The following COL6A3 variants were observed in gnomAD, a reference collection of about 807,000 sequenced individuals.
COL6A3 encodes the protein collagen type VI alpha 3 chain.
In COL6A3, 137 loss-of-function variants were observed where a neutral mutation model predicts 274.1. That is an observed-to-expected ratio of 0.50 (90% CI 0.44 to 0.58). The LOEUF is 0.58. Among genes scored for constraint, COL6A3 ranks in the 20% least tolerant of loss-of-function variants. The pLI is 0.00. For synonymous variants in COL6A3, 1,650 were observed against 1,650.6 expected (o/e 1.00, Z 0.01); for missense variants, 3,950 against 4,124.9 (o/e 0.96, Z 1.16).
rs551656332 is a variant in COL6A3, at chr2:237,347,468, G to A, written c.7029+339C>T. Reference sequence around the variant, plus strand: ...CCTCATTCACTCCCATTGCCTGGCCGTCTGGGTGGGCATGGCCCAAAGTGA... The same window carrying A: ...CCTCATTCACTCCCATTGCCTGGCCATCTGGGTGGGCATGGCCCAAAGTGA... On this transcript the variant is annotated intron_variant, in intron 31 of 43. Coordinates refer to ENST00000295550, the MANE Select transcript of COL6A3 (RefSeq NM_004369.4). 1.8e-4 allele frequency among the ~76,000 whole-genome samples: 27 copies of A among 152,328 alleles called. No individual in the cohort carries two copies. The South Asian group carries it at 3.7e-3, about 21-fold the overall frequency.
intron 38 of COL6A3, among the ~76,000 whole-genome samples, chr2:237,340,073 C>T (rs1330443104): frequency 1.3e-5 from 2 of 152,192 alleles, no homozygotes; most frequent in Non-Finnish European, 2.9e-5. Context: ...AAGCTTTCCC[C>T]GGTGCCCCTA....
chr2:237,343,450 G>A (rs1312122429), intron 36 of COL6A3: 1 of 143,274 alleles, frequency 7.0e-6, no homozygotes, highest in Non-Finnish European at 1.5e-5. Flanking sequence ...GGAAGGTGGA[G>A]GTTGCAGTGA....
rs772328208 is a variant in COL6A3, at chr2:237,394,649, C to CAGGA, written c.643_646dup (p.Cys216PhefsTer19). ...TTCTGGACTCACGGATGAATGCACA[C>CAGGA]AGGACACTAAGTTTCCTACTATGTC... On this transcript the variant is annotated frameshift_variant, in exon 3 of 44. Transcript: ENST00000295550. LOFTEE classifies it high-confidence loss of function. 1 of 1,614,208 alleles carries CAGGA rather than the reference C, an allele frequency of 6.2e-7. No individual in the cohort carries two copies. Among genetic ancestry groups the CAGGA allele is most frequent in the Non-Finnish European group, 8.5e-7 (1 of 1,180,030 alleles).
rs116095104 is a variant in COL6A3 at position 237,373,272 on chromosome 2, A to G, written c.3680-935T>C. 1.4e-3 allele frequency among the ~76,000 whole-genome samples: 219 copies of G among 152,334 alleles called. 1 individual carries two copies. The highest frequency in any genetic ancestry group is 5.2e-3 in the African/African-American group (215 of 41,574). The stretch of plus-strand genomic sequence containing the variant: ...AGTCCATCCTCGGCAATCTGGGGCC[A>G]AGACACAGCATCACAGAGGCCTCCT... On this transcript the variant is annotated intron_variant, in intron 8 of 43. Transcript: ENST00000295550.
Position 237,371,622 on chromosome 2 carries a change from G to A in COL6A3, c.4285+110C>T, listed in dbSNP as rs983749684. 19 of 1,504,804 alleles carry A rather than the reference G, an allele frequency of 1.3e-5. No homozygotes were observed. The highest frequency in any genetic ancestry group is 1.7e-5 in the Non-Finnish European group (19 of 1,133,186). 93.2% of individuals were successfully genotyped at this position (1,504,804 alleles called of 1,614,324 possible). A position where few individuals can be genotyped will look rare whatever the true frequency, so the allele number is the denominator to read the frequency against. ...CAAAATAAAAACCATAAAGGTAAGG[G>A]CATACAACCTTTATTTTAATTTAAT... On this transcript the variant is annotated intron_variant, in intron 9 of 43. Coordinates refer to ENST00000295550, the MANE Select transcript of COL6A3 (RefSeq NM_004369.4). This position sits in a 1 kb window ranked among gnomAD's most constrained non-coding sequence, Gnocchi z 4.3.
At chr2:237,334,502 CTGT>C (rs111578971) in intron 41 of COL6A3, 121 bp downstream of exon 41, 2 of 1,042,870 alleles carry the variant, frequency 1.9e-6, no homozygotes, top group African/African-American at 1.6e-5. Context: ...GTTGTTGTTG[CTGT>C]TGTTGTTTTT....
At chr2:237,359,966 C>T (rs1023445558) in intron 17 of COL6A3, 122 bp downstream of exon 17, 7 of 994,674 alleles carry the variant, frequency 7.0e-6, no homozygotes, top group African/African-American at 3.2e-5. Context: ...TGAGAGGTCA[C>T]GGGCTGCTGA....
Position 237,407,252 on chromosome 2 carries a change from C to A in COL6A3, c.-31+6701G>T, listed in dbSNP as rs374016162. On this transcript the variant is annotated intron_variant, in intron 1 of 43. Transcript: ENST00000295550. The surrounding 1 kb of genome is among the most constrained non-coding windows in gnomAD (Gnocchi z 4.3). The stretch of plus-strand genomic sequence containing the variant: ...TATGAAAATACTCTAGAACAATAAT[C>A]TGTTTGACTCAAACTGAATGTGTAT... Among the ~76,000 whole-genome samples the A allele has an allele frequency of 6.6e-6, 1 of 152,182 alleles. No homozygotes were observed. The highest frequency in any genetic ancestry group is 1.5e-5 in the Non-Finnish European group (1 of 68,026).
In COL6A3 at chr2:237,372,299, C is replaced by T; in HGVS notation, c.3718G>A (p.Gly1240Arg). ...AACTCAGGCCCGGCACTTTGGGACC[C>T]ATCGATGAGAAAGACCACGTCCCTC... Reference protein sequence around the residue: ...GKRDVVFLIDGSQSAGPEFQY... With the variant: ...GKRDVVFLIDRSQSAGPEFQY... The change falls in exon 9 of 44, where the codon GGG becomes AGG. Residue 1240 changes from glycine to arginine, a missense_variant. Physicochemically the swap from Gly to Arg is moderately radical, Grantham distance 125. Transcript: ENST00000295550. The T allele has an allele frequency of 6.2e-7, 1 of 1,611,224 alleles. No individual in the cohort carries two copies.
chr2:237,411,069 G>A (rs2645783), intron 1 of COL6A3, among the ~76,000 whole-genome samples: 65,362 of 152,012 alleles, frequency 0.43, 15,830 homozygotes, highest in East Asian at 0.64. Context: ...GCAGTGATGT[G>A]TTTTTTACTG....
rs1027979053 is a variant in COL6A3 at position 237,370,300 on chromosome 2, G to A, written c.4286-1123C>T. ...GTCGCCCAGGCTGGAGTGCAGTGGCGCAATCTCGGCTCACTGCAACCTCTG... is the reference window on the plus strand; with the variant it reads ...GTCGCCCAGGCTGGAGTGCAGTGGCACAATCTCGGCTCACTGCAACCTCTG... On this transcript the variant is annotated intron_variant, in intron 9 of 43. Coordinates refer to ENST00000295550, the MANE Select transcript of COL6A3 (RefSeq NM_004369.4). Among the ~76,000 whole-genome samples, 48 of 150,292 alleles carry A rather than the reference G, an allele frequency of 3.2e-4. 1 individual carries two copies. The highest frequency in any genetic ancestry group is 1.1e-3 in the South Asian group (5 of 4,726).
rs369338009 is a variant in COL6A3 at position 237,376,215 on chromosome 2, C to G, written c.3070+557G>C. Among the ~76,000 whole-genome samples, 3 of 152,158 alleles carry G rather than the reference C, an allele frequency of 2.0e-5. No homozygotes were observed. In the South Asian group the frequency reaches 6.2e-4, roughly 31 times the overall value. On this transcript the variant is annotated intron_variant, in intron 7 of 43. Transcript: ENST00000295550. Reference sequence around the variant, plus strand: ...ATCAAAAGGCATACAGGGGAAATTACTCTCTTCACTGCATTTTTATCACTA... The same window carrying G: ...ATCAAAAGGCATACAGGGGAAATTAGTCTCTTCACTGCATTTTTATCACTA...
In COL6A3 at chr2:237,394,572, T is replaced by C. The variant is rs1192895752; in HGVS notation, c.709+15A>G. On this transcript the variant is annotated intron_variant, in intron 3 of 43. Transcript: ENST00000295550. ...AACAGCAGGGCAGGGCGTAGCTTGG[T>C]GGCGTTGCCATTACCTGTGATGTCT... 1.2e-6 allele frequency: 2 copies of C among 1,613,680 alleles called. No individual in the cohort carries two copies. Among genetic ancestry groups the C allele is most frequent in the African/African-American group, 1.3e-5 (1 of 75,062 alleles).
At chr2:237,325,774 T>A (rs1349945077) in intron 42 of COL6A3, 50 bp from the exon 43 acceptor site, 1 of 1,544,916 alleles carries the variant, frequency 6.5e-7, no homozygotes, top group East Asian at 2.3e-5. Context: ...TGCGTGTTAC[T>A]CGGCTCCCAG....
chr2:237,384,018 T>C (rs1361534515), intron 4 of COL6A3, among the ~76,000 whole-genome samples: 1 of 152,112 alleles, frequency 6.6e-6, no homozygotes, highest in African/African-American at 2.4e-5. Flanking sequence ...TCATGGGAGC[T>C]CATGACAGAT....
chr2:237,344,729 T>C lies in COL6A3; in HGVS notation c.7289A>G (p.Asn2430Ser). 2 of 1,604,156 alleles carry C rather than the reference T, an allele frequency of 1.2e-6. No individual in the cohort carries two copies. Among genetic ancestry groups the C allele is most frequent in the Non-Finnish European group, 8.5e-7 (1 of 1,175,120 alleles). ...RMRDVVLSIV[N>S]DLTIAESNCP... ...GTTGCTCTCAGCAATGGTCAGGTCA[T>C]TCACAATACTCAAGACCACATCTCG... is the stretch of plus-strand genomic sequence containing the variant. The change falls in exon 36 of 44, where the codon AAT becomes AGT. Residue 2430 changes from asparagine (N) to serine (S), a missense_variant. This residue lies in a region of COL6A3 where 1,284 missense variants were observed against 1,349.7 expected (regional missense o/e 0.95). Coordinates refer to ENST00000295550, the MANE Select transcript of COL6A3 (RefSeq NM_004369.4). The surrounding 1 kb of genome is among the most constrained non-coding windows in gnomAD (Gnocchi z 4.8).
chr2:237,354,803 C>T (rs924866313), intron 24 of COL6A3, 96 bp downstream of exon 24: 3 of 1,048,208 alleles, frequency 2.9e-6, no homozygotes, highest in African/African-American at 3.2e-5. Flanking sequence ...GTCTCCGAAG[C>T]TTTGGGTTCA....
Position 237,344,885 on chromosome 2 carries a change from T to G in COL6A3, c.7175-42A>C, listed in dbSNP as rs755224014. On this transcript the variant is annotated intron_variant, in intron 35 of 43. Coordinates refer to ENST00000295550, the MANE Select transcript of COL6A3 (RefSeq NM_004369.4). The surrounding 1 kb of genome is among the most constrained non-coding windows in gnomAD (Gnocchi z 4.8). The stretch of plus-strand genomic sequence containing the variant: ...GTGGAGGGTTAAAGACAAACTGTAC[T>G]TACTACAAAAGGGAGGCTTCCTTTC... 2 of 1,613,856 alleles carry G rather than the reference T, an allele frequency of 1.2e-6. No homozygotes were observed. Among genetic ancestry groups the G allele is most frequent in the African/African-American group, 2.7e-5 (2 of 74,902 alleles).
At chr2:237,378,032 A>G (rs1176853816) in intron 6 of COL6A3, among the ~76,000 whole-genome samples, 2 of 152,244 alleles carry the variant, frequency 1.3e-5, no homozygotes, top group Non-Finnish European at 2.9e-5. Context: ...TTAGGTTTCA[A>G]TTGGTTTAGT....
Sources: allele counts gnomAD v4.1 joint callset (sites outside exome capture counted in the v4.1 genomes callset), GRCh38; gene constraint gnomAD v4.1.1; regional missense constraint gnomAD v4.1.1; non-coding constraint Gnocchi (gnomAD v3.1); transcripts MANE v1.5; gene names NCBI Gene and HGNC (gene_info 2026-07-23, HGNC 2026-07-21).